CUL1: variants seen among roughly 807,000 people sequenced by gnomAD.
CUL1 encodes the protein cullin-1.
Under a neutral mutation model 118.0 loss-of-function variants are expected in CUL1, and 24 were observed. The observed-to-expected ratio is 0.20, with a 90% CI of 0.15 to 0.29. CUL1 has a LOEUF of 0.29. Ranked by LOEUF, CUL1 falls within the 10% of genes least tolerant of loss-of-function variation. The pLI, the probability that CUL1 is intolerant of heterozygous loss-of-function variation, is 1.00. For missense variants in CUL1, 361 were observed against 933.8 expected, an observed-to-expected ratio of 0.39 and a Z score of 7.99; for synonymous variants, 332 against 340.4, an observed-to-expected ratio of 0.98 and a Z score of 0.27.
chr7:148,725,219 G>GCGCGCGCACACACACA lies in CUL1; in HGVS notation c.-161-4742_-161-4741insGCGCGCACACACACAC. Among the ~76,000 whole-genome samples, 363 of 140,144 alleles carry GCGCGCGCACACACACA rather than the reference G, an allele frequency of 2.6e-3. 3 individuals are homozygous for GCGCGCGCACACACACA. The highest frequency in any genetic ancestry group is 0.012 in the South Asian group (49 of 4,144). The allele number at this position is 140,144 out of a possible 152,430, so 91.9% of individuals were successfully genotyped here. Reference sequence around the variant, plus strand: ...CGTGTACACACACACACACGCGCGCGCTCACACACACACACACACACACAC... The same window carrying GCGCGCGCACACACACA: ...CGTGTACACACACACACACGCGCGCGCGCGCGCACACACACACTCACACACACACACACACACACAC... On this transcript the variant is annotated intron_variant, in intron 1 of 21. Coordinates refer to ENST00000325222, the MANE Select transcript of CUL1 (RefSeq NM_003592.3).
At chr7:148,790,182 T>G in intron 15 of CUL1, 128 bp from the exon 16 acceptor site, 1 of 1,004,122 alleles carries the variant, frequency 1.0e-6, no homozygotes, top group South Asian at 1.4e-5. Context: ...ACACCTGGCG[T>G]TTGTATTTTA....
At chr7:148,782,873 G>A (rs1800687071) in intron 9 of CUL1, among the ~76,000 whole-genome samples, 1 of 152,190 alleles carries the variant, frequency 6.6e-6, no homozygotes, top group South Asian at 2.1e-4. Context: ...GCTTGGCTGG[G>A]GGTGACCCGG....
At chr7:148,744,789 A>G (rs1258299574) in intron 2 of CUL1, among the ~76,000 whole-genome samples, 1 of 152,198 alleles carries the variant, frequency 6.6e-6, no homozygotes, top group Non-Finnish European at 1.5e-5. Flanking sequence ...GGTCTCTACT[A>G]TGAATTCCCT....
chr7:148,767,263 T>C (rs1212501738), intron 8 of CUL1, among the ~76,000 whole-genome samples: 1 of 152,156 alleles, frequency 6.6e-6, no homozygotes, highest in Non-Finnish European at 1.5e-5. Context: ...GTGCCTATTA[T>C]GTGTCAGGCA....
chr7:148,726,965 T>C (rs1185251529), intron 1 of CUL1, among the ~76,000 whole-genome samples: 1 of 152,066 alleles, frequency 6.6e-6, no homozygotes, highest in Non-Finnish European at 1.5e-5. Context: ...TGAGCCGTGA[T>C]CACGCCACTG....
chr7:148,711,943 G>A (rs746126757), intron 1 of CUL1, among the ~76,000 whole-genome samples: 4 of 152,196 alleles, frequency 2.6e-5, no homozygotes, highest in Non-Finnish European at 5.9e-5. Flanking sequence ...TGGACCTCAC[G>A]TGCACACCTC....
At chr7:148,796,683 C>G (rs1438364993) in intron 17 of CUL1, among the ~76,000 whole-genome samples, 1 of 152,148 alleles carries the variant, frequency 6.6e-6, no homozygotes, top group Non-Finnish European at 1.5e-5. Context: ...TTGGCTGCTT[C>G]TGATCAGGAT....
At chr7:148,774,652 A>AG (rs1211024671) in intron 9 of CUL1, among the ~76,000 whole-genome samples, 1 of 152,216 alleles carries the variant, frequency 6.6e-6, no homozygotes, top group Non-Finnish European at 1.5e-5. Flanking sequence ...AGCAACAAAA[A>AG]AGCACAAGTC....
intron 1 of CUL1, among the ~76,000 whole-genome samples, chr7:148,715,464 C>T (rs554588220): frequency 1.3e-5 from 2 of 152,272 alleles, no homozygotes; most frequent in African/African-American, 4.8e-5. Flanking sequence ...TTAACACTGT[C>T]GAACTAAAAG....
intron 17 of CUL1, 65 bp downstream of exon 17, chr7:148,792,883 A>G: frequency 8.8e-7 from 1 of 1,138,952 alleles, no homozygotes; most frequent in Non-Finnish European, 1.3e-6. Context: ...GGATATTGTT[A>G]GGAAAGATAA....
At chr7:148,799,564 C>T (rs1483999326) in intron 21 of CUL1, among the ~76,000 whole-genome samples, 176 bp downstream of exon 21, 1 of 152,162 alleles carries the variant, frequency 6.6e-6, no homozygotes, top group Non-Finnish European at 1.5e-5. Flanking sequence ...ATACAAAGTG[C>T]ACAGATGATG....
chr7:148,754,271 G>A, intron 3 of CUL1, 121 bp downstream of exon 3: 1 of 646,024 alleles, frequency 1.5e-6, no homozygotes, highest in Non-Finnish European at 2.6e-6. Context: ...TAACGTAGGT[G>A]ACAGTGTTTT....
chr7:148,741,551 G>A (rs1258239715), intron 2 of CUL1, among the ~76,000 whole-genome samples: 1 of 152,192 alleles, frequency 6.6e-6, no homozygotes, highest in East Asian at 1.9e-4. Flanking sequence ...CGATTCTCCT[G>A]CCTCAGCCTC....
intron 1 of CUL1, among the ~76,000 whole-genome samples, chr7:148,717,529 T>A (rs958688887): frequency 1.3e-5 from 2 of 151,910 alleles, no homozygotes; most frequent in Non-Finnish European, 2.9e-5. Flanking sequence ...CTTGGGCCTC[T>A]CTCTTTCCAT....
intron 9 of CUL1, among the ~76,000 whole-genome samples, chr7:148,769,390 G>T (rs1800127272): frequency 7.9e-6 from 1 of 126,350 alleles, no homozygotes; most frequent in African/African-American, 3.3e-5. Flanking sequence ...CCTTTAAAGG[G>T]CCTGATTCAC....
chr7:148,789,938 C>T lies in CUL1; in HGVS notation c.1674+112C>T, dbSNP rs1800948833. 1.3e-5 allele frequency: 13 copies of T among 983,554 alleles called. No individual in the cohort carries two copies. The South Asian group carries it at 1.8e-4, about 13-fold the overall frequency. The allele number at this position is 983,554 out of a possible 1,614,324, so 60.9% of individuals were successfully genotyped here. A position where few individuals can be genotyped will look rare whatever the true frequency, so the allele number is the denominator to read the frequency against. On this transcript the variant is annotated intron_variant, in intron 15 of 21. Coordinates refer to ENST00000325222, the MANE Select transcript of CUL1 (RefSeq NM_003592.3). ...AGATGGCCTTCCTGCTGGCTGGCTGCATCACGGTGAACCATGGGGGCAACA... is the reference window on the plus strand; with the variant it reads ...AGATGGCCTTCCTGCTGGCTGGCTGTATCACGGTGAACCATGGGGGCAACA...
In CUL1 at chr7:148,788,598, G is replaced by A. The variant is rs1800897030; in HGVS notation, c.1521G>A (p.Met507Ile). 6.2e-7 allele frequency: 1 copy of A among 1,614,058 alleles called. No homozygotes were observed. The highest frequency in any genetic ancestry group is 1.3e-5 in the African/African-American group (1 of 74,918). ...GFEYTSKLQR[M>I]FQDIGVSKDL... Reference sequence around the variant, plus strand: ...AGTACACCTCTAAACTTCAGCGCATGTTTCAAGACATTGGCGTGAGCAAAG... The same window carrying A: ...AGTACACCTCTAAACTTCAGCGCATATTTCAAGACATTGGCGTGAGCAAAG... The change falls in exon 14 of 22, where the codon ATG (methionine) becomes ATA (isoleucine). Residue 507 changes from methionine (M) to isoleucine (I), a missense_variant. By Grantham distance (10) the Met-to-Ile change is conservative. Coordinates refer to ENST00000325222, the MANE Select transcript of CUL1 (RefSeq NM_003592.3).
intron 1 of CUL1, among the ~76,000 whole-genome samples, chr7:148,710,727 C>T (rs2129459021): frequency 6.6e-6 from 1 of 151,556 alleles, no homozygotes; most frequent in South Asian, 2.1e-4. Flanking sequence ...GGCACGATCT[C>T]AGCTCACTGC....
chr7:148,799,180 A>G, intron 20 of CUL1, 95 bp from the exon 21 acceptor site: 1 of 823,940 alleles, frequency 1.2e-6, no homozygotes, highest in Non-Finnish European at 2.0e-6. Flanking sequence ...TCCTGTGCAT[A>G]GGCGTCGGCA....
Sources: allele counts gnomAD v4.1 joint callset (sites outside exome capture counted in the v4.1 genomes callset), GRCh38; gene constraint gnomAD v4.1.1; transcripts MANE v1.5; gene names NCBI Gene and HGNC (gene_info 2026-07-23, HGNC 2026-07-21).